The following RSU1 variants were observed in gnomAD, a reference collection of about 807,000 sequenced individuals.
RSU1 encodes Ras suppressor protein 1, also known as rsu-1.
Under a neutral mutation model 31.1 loss-of-function variants are expected in RSU1, and 26 were observed. The ratio of observed to expected loss-of-function variants is 0.84; its 90% CI spans 0.61 to 1.16. RSU1 has a LOEUF of 1.16. RSU1 is among the 50% of genes most tolerant of loss of function. The pLI is 0.00. For synonymous variants in RSU1, 164 were observed against 136.3 expected (o/e 1.20, Z -1.41); for missense variants, 320 against 339.1 (o/e 0.94, Z 0.44).
intron 8 of RSU1, among the ~76,000 whole-genome samples, chr10:16,648,360 G>T (rs1364232697): frequency 6.6e-6 from 1 of 152,174 alleles, no homozygotes; most frequent in Non-Finnish European, 1.5e-5. Context: ...GCAGTTCAAA[G>T]GCAGCTCAAT....
At chr10:16,677,487 T>C (rs550444444) in intron 8 of RSU1, among the ~76,000 whole-genome samples, 1 of 152,184 alleles carries the variant, frequency 6.6e-6, no homozygotes. Context: ...ATGCAGGTCC[T>C]GAATTTTTCT....
At chr10:16,604,576 T>C (rs1833770116) in intron 8 of RSU1, among the ~76,000 whole-genome samples, 1 of 152,134 alleles carries the variant, frequency 6.6e-6, no homozygotes, top group African/African-American at 2.4e-5. Context: ...CCCAACTCCT[T>C]AGGGGCTTCT....
At position 16,612,636 on chromosome 10, in the gene RSU1, T is replaced by A. The variant is rs777760315; in HGVS notation, c.732-19140A>T. Among the ~76,000 whole-genome samples the A allele has an allele frequency of 1.3e-5, 2 of 152,240 alleles. 1 individual carries two copies. The highest frequency in any genetic ancestry group is 2.9e-5 in the Non-Finnish European group (2 of 68,034). ...TCTGCAGTGAAAATGTCATTTGTTG[T>A]AATGAACACTGATCATAAGTTAAGC... On this transcript the variant is annotated intron_variant, in intron 8 of 8. Coordinates refer to ENST00000345264, the MANE Select transcript of RSU1 (RefSeq NM_012425.4).
In RSU1 at chr10:16,695,222, C is replaced by A. The variant is rs1287435455; in HGVS notation, c.599-67G>T. ...TACAGATCAGGTCTAAGAAGTCCTTCTCAGTAATCACAGCCTAAGTACCCT... is the reference window on the plus strand; with the variant it reads ...TACAGATCAGGTCTAAGAAGTCCTTATCAGTAATCACAGCCTAAGTACCCT... On this transcript the variant is annotated intron_variant, in intron 7 of 8. Coordinates refer to ENST00000345264, the MANE Select transcript of RSU1 (RefSeq NM_012425.4). 4 of 1,473,110 alleles carry A rather than the reference C, an allele frequency of 2.7e-6. No homozygotes were observed. In the Middle Eastern group the frequency reaches 5.4e-4, roughly 200 times the overall value. 91.3% of individuals were successfully genotyped at this position (1,473,110 alleles called of 1,614,324 possible).
chr10:16,637,554 G>A (rs1295266782), intron 8 of RSU1, among the ~76,000 whole-genome samples: 2 of 151,906 alleles, frequency 1.3e-5, no homozygotes, highest in African/African-American at 4.8e-5. Context: ...CCTTAGGCGG[G>A]GATGATCTGT....
intron 7 of RSU1, among the ~76,000 whole-genome samples, chr10:16,703,684 A>C (rs1835839988): frequency 1.3e-5 from 2 of 152,234 alleles, no homozygotes; most frequent in South Asian, 4.1e-4. Context: ...GGTCAAAATG[A>C]AGGCTGTAAA....
In RSU1 at chr10:16,716,961, T is replaced by C. The variant is rs562543824; in HGVS notation, c.599-21806A>G. ...CTCAAACCCTGTTGCTAAAAAAGTATGGGAATTTTTTCAGCCAATAGGACA... is the reference window on the plus strand; with the variant it reads ...CTCAAACCCTGTTGCTAAAAAAGTACGGGAATTTTTTCAGCCAATAGGACA... On this transcript the variant is annotated intron_variant, in intron 7 of 8. Transcript: ENST00000345264. Among the ~76,000 whole-genome samples, 3 of 152,304 alleles carry C rather than the reference T, an allele frequency of 2.0e-5. No individual in the cohort carries two copies. The East Asian group carries it at 5.8e-4, about 29-fold the overall frequency.
chr10:16,803,450 A>G (rs957446162), intron 2 of RSU1, among the ~76,000 whole-genome samples: 1 of 152,196 alleles, frequency 6.6e-6, no homozygotes, highest in Non-Finnish European at 1.5e-5. Flanking sequence ...CTACATATCA[A>G]TTCCAGTCAA....
chr10:16,617,079 G>C (rs981555565), intron 8 of RSU1, among the ~76,000 whole-genome samples: 2 of 152,168 alleles, frequency 1.3e-5, no homozygotes, highest in African/African-American at 4.8e-5. Flanking sequence ...TGCATATTTA[G>C]AAAACCTTAT....
At chr10:16,794,516 C>T (rs1377544712) in intron 2 of RSU1, among the ~76,000 whole-genome samples, 3 of 151,998 alleles carry the variant, frequency 2.0e-5, no homozygotes, top group Admixed American at 2.0e-4. Flanking sequence ...ATTTGTGTAA[C>T]ACAAAACTTA....
intron 8 of RSU1, among the ~76,000 whole-genome samples, chr10:16,596,898 T>C (rs192493237): frequency 6.6e-6 from 1 of 152,216 alleles, no homozygotes; most frequent in Admixed American, 6.5e-5. Context: ...AATTTTTGTA[T>C]TTTTAGTAGA....
At chr10:16,717,222 G>A (rs1177982874) in intron 7 of RSU1, among the ~76,000 whole-genome samples, 1 of 152,064 alleles carries the variant, frequency 6.6e-6, no homozygotes, top group Admixed American at 6.6e-5. Flanking sequence ...TTACTTTGGT[G>A]CTATGTGTTA....
intron 2 of RSU1, among the ~76,000 whole-genome samples, chr10:16,793,107 C>T (rs1837959779): frequency 6.6e-6 from 1 of 151,766 alleles, no homozygotes; most frequent in African/African-American, 2.4e-5. Context: ...ACCAACACAC[C>T]AGAATCATAA....
intron 7 of RSU1, among the ~76,000 whole-genome samples, chr10:16,743,342 TGTCAATAAC>T (rs1160437084): frequency 6.6e-6 from 1 of 152,170 alleles, no homozygotes; most frequent in Non-Finnish European, 1.5e-5. Context: ...TAATAAGCCA[TGTCAATAAC>T]GTGGCCTTAG....
intron 7 of RSU1, among the ~76,000 whole-genome samples, chr10:16,743,237 A>G (rs749564585): frequency 6.6e-6 from 1 of 152,204 alleles, no homozygotes; most frequent in Non-Finnish European, 1.5e-5. Flanking sequence ...AGGCCTTTTT[A>G]TTGGCTCAGT....
chr10:16,625,969 A>T (rs950408370), intron 8 of RSU1, among the ~76,000 whole-genome samples: 3 of 152,182 alleles, frequency 2.0e-5, no homozygotes, highest in African/African-American at 7.2e-5. Flanking sequence ...AACATACACA[A>T]AACACTGGGG....
chr10:16,718,297 T>C (rs1391005524), intron 7 of RSU1, among the ~76,000 whole-genome samples: 1 of 152,026 alleles, frequency 6.6e-6, no homozygotes, highest in African/African-American at 2.4e-5. Flanking sequence ...ATAATAAAAA[T>C]TGACATCAAA....
At chr10:16,813,585 G>C (rs75932424) in intron 2 of RSU1, among the ~76,000 whole-genome samples, 1 of 152,196 alleles carries the variant, frequency 6.6e-6, no homozygotes, top group Non-Finnish European at 1.5e-5. Flanking sequence ...CTTATGAAGT[G>C]GTTTCTTAGG....
intron 3 of RSU1, among the ~76,000 whole-genome samples, chr10:16,777,582 A>T (rs1169679962): frequency 1.3e-5 from 2 of 152,222 alleles, no homozygotes; most frequent in Non-Finnish European, 2.9e-5. Context: ...TCTAATCTTT[A>T]GGTACAAAAC....
Sources: gnomAD v4.1 joint callset for allele counts (sites outside exome capture counted in the v4.1 genomes callset) on GRCh38, gnomAD v4.1.1 for gene constraint, MANE v1.5 for transcripts, NCBI Gene and HGNC (gene_info 2026-07-23, HGNC 2026-07-21) for gene names.